The following SLC25A24 variants were observed in gnomAD, a reference collection of about 807,000 sequenced individuals.
The protein encoded by SLC25A24 is mitochondrial adenyl nucleotide antiporter SLC25A24.
SLC25A24 carries 49 observed loss-of-function variants against 60.7 expected under a neutral mutation model. The ratio of observed to expected loss-of-function variants is 0.81; its 90% CI spans 0.64 to 1.02. SLC25A24 has a LOEUF of 1.02. Among genes scored for constraint, SLC25A24 ranks in the 50% least tolerant of loss-of-function variants. The pLI is 0.00. For synonymous variants in SLC25A24, 202 were observed against 200.6 expected, an observed-to-expected ratio of 1.01 and a Z score of -0.06; for missense variants, 564 against 586.3, an observed-to-expected ratio of 0.96 and a Z score of 0.39.
At position 108,194,117 on chromosome 1, in the gene SLC25A24, T is replaced by A. The variant is rs1048085248; in HGVS notation, c.183+5839A>T. Among the ~76,000 whole-genome samples the A allele has an allele frequency of 2.2e-5, 3 of 139,472 alleles. 1 individual carries two copies. The highest frequency in any genetic ancestry group is 8.1e-5 in the Admixed American group (1 of 12,334). 91.5% of individuals were successfully genotyped at this position (139,472 alleles called of 152,430 possible). A position where few individuals can be genotyped will look rare whatever the true frequency, so the allele number is the denominator to read the frequency against. ...AGCCATTATCTGTAAGCTCTTGCTCTACACTACCCATCATGTCAGATACTG... is the reference window on the plus strand; with the variant it reads ...AGCCATTATCTGTAAGCTCTTGCTCAACACTACCCATCATGTCAGATACTG... On this transcript the variant is annotated intron_variant, in intron 1 of 9. Coordinates refer to ENST00000565488, the MANE Select transcript of SLC25A24 (RefSeq NM_013386.5).
At chr1:108,136,923 C>G in intron 9 of SLC25A24, 86 bp from the exon 10 acceptor site, 1 of 1,244,484 alleles carries the variant, frequency 8.0e-7, no homozygotes, top group Non-Finnish European at 1.1e-6. Flanking sequence ...GAATGATATT[C>G]TAAAATACAG....
chr1:108,159,232 G>A (rs978871023), intron 4 of SLC25A24, among the ~76,000 whole-genome samples: 4 of 152,142 alleles, frequency 2.6e-5, no homozygotes, highest in African/African-American at 4.8e-5. Context: ...ATATTGTTAA[G>A]TGCCTTATGC....
At chr1:108,172,149 A>G (rs1647485595) in intron 3 of SLC25A24, among the ~76,000 whole-genome samples, 1 of 152,180 alleles carries the variant, frequency 6.6e-6, no homozygotes, top group Non-Finnish European at 1.5e-5. Context: ...GCAGAAGATA[A>G]TTATGACATA....
rs576705411 is a variant in SLC25A24 at position 108,166,221 on chromosome 1, T to A, written c.399-4928A>T. Among the ~76,000 whole-genome samples the A allele has an allele frequency of 7.0e-3, 1,063 of 152,304 alleles. 13 individuals carry two copies. Among genetic ancestry groups the A allele is most frequent in the African/African-American group, 0.025 (1,024 of 41,552 alleles). On this transcript the variant is annotated intron_variant, in intron 3 of 9. Transcript: ENST00000565488. ...ACCCGACCTTTCTCTCTGGCTGCCC[T>A]TAACATTTTTTCCTTCATTTCAACT... is the stretch of plus-strand genomic sequence containing the variant.
chr1:108,188,115 T>C (rs560533822), intron 1 of SLC25A24, among the ~76,000 whole-genome samples: 1 of 151,738 alleles, frequency 6.6e-6, no homozygotes, highest in Non-Finnish European at 1.5e-5. Flanking sequence ...CCTAAGCGAA[T>C]CAACGCAGAA....
chr1:108,139,193 A>T lies in SLC25A24; in HGVS notation c.1114T>A (p.Trp372Arg). 6.2e-7 allele frequency: 1 copy of T among 1,600,286 alleles called. No individual in the cohort carries two copies. ...LAVYELLKSYWLDNFAKDSVN... is the reference protein window; with the variant it reads ...LAVYELLKSYRLDNFAKDSVN... Reference sequence around the variant, plus strand: ...GAATCTTTTGCAAAATTATCCAGCCAATAGGACTTCAAGAGCTGCCAGAGA... The same window carrying T: ...GAATCTTTTGCAAAATTATCCAGCCTATAGGACTTCAAGAGCTGCCAGAGA... The change falls in exon 9 of 10, where the codon TGG becomes AGG. Residue 372 changes from tryptophan to arginine, a missense_variant. Coordinates refer to ENST00000565488, the MANE Select transcript of SLC25A24 (RefSeq NM_013386.5).
At chr1:108,142,106 C>T (rs1304969560) in intron 8 of SLC25A24, among the ~76,000 whole-genome samples, 1 of 152,024 alleles carries the variant, frequency 6.6e-6, no homozygotes, top group African/African-American at 2.4e-5. Flanking sequence ...TAAAAATAAG[C>T]TTTTTTAAAA....
rs187936964 is a variant in SLC25A24, at chr1:108,152,443, T to C, written c.822+2540A>G. Among the ~76,000 whole-genome samples the C allele has an allele frequency of 1.4e-3, 211 of 152,290 alleles. 1 individual carries two copies. The highest frequency in any genetic ancestry group is 3.4e-3 in the Middle Eastern group (1 of 294). ...TTGCAATGGTGTGATCCCAGCTCAC[T>C]GCAACCTCTGCCTCTCGAGCTCAAG... On this transcript the variant is annotated intron_variant, in intron 6 of 9. Coordinates refer to ENST00000565488, the MANE Select transcript of SLC25A24 (RefSeq NM_013386.5).
At chr1:108,179,617 G>A (rs1403863959) in intron 3 of SLC25A24, among the ~76,000 whole-genome samples, 2 of 152,076 alleles carry the variant, frequency 1.3e-5, no homozygotes, top group African/African-American at 4.8e-5. Context: ...GTAACAATAT[G>A]AATGAAATAA....
intron 9 of SLC25A24, among the ~76,000 whole-genome samples, chr1:108,138,599 T>C (rs1679354574): frequency 6.6e-6 from 1 of 152,088 alleles, no homozygotes; most frequent in Non-Finnish European, 1.5e-5. Flanking sequence ...TACGCAACAC[T>C]AAAAAATGAT....
Position 108,136,466 on chromosome 1 carries a change from T to C in SLC25A24, c.*187A>G, listed in dbSNP as rs1040356141. The stretch of plus-strand genomic sequence containing the variant: ...GCCTTTTCAAAACACATTAAAACTA[T>C]GATTTTGAACATTTCTGTGTACATA... On this transcript the variant is annotated 3_prime_UTR_variant, in exon 10 of 10. Coordinates refer to ENST00000565488, the MANE Select transcript of SLC25A24 (RefSeq NM_013386.5). 1.3e-5 allele frequency: 7 copies of C among 545,942 alleles called. No homozygotes were observed. Among genetic ancestry groups the C allele is most frequent in the Non-Finnish European group, 2.3e-5 (7 of 310,424 alleles). 33.8% of individuals were successfully genotyped at this position (545,942 alleles called of 1,614,324 possible).
At chr1:108,190,331 A>T (rs920478982) in intron 1 of SLC25A24, among the ~76,000 whole-genome samples, 6 of 152,206 alleles carry the variant, frequency 3.9e-5, no homozygotes, top group Non-Finnish European at 2.9e-5. Flanking sequence ...AAGTGAAGAA[A>T]AAAATTAGGG....
chr1:108,181,468 G>A (rs1553256188), intron 3 of SLC25A24, among the ~76,000 whole-genome samples: 1 of 152,124 alleles, frequency 6.6e-6, no homozygotes, highest in Non-Finnish European at 1.5e-5. Context: ...AGACAATAAG[G>A]TTCAAATTTG....
intron 1 of SLC25A24, chr1:108,199,592 G>T: frequency 2.6e-6 from 1 of 385,910 alleles, no homozygotes; most frequent in Non-Finnish European, 4.6e-6. Flanking sequence ...GGGACCCACT[G>T]AAGTCTGACA....
Position 108,182,095 on chromosome 1 carries a change from T to G in SLC25A24, c.311-67A>C, listed in dbSNP as rs891369638. The G allele has an allele frequency of 1.0e-4, 104 of 1,044,488 alleles. 1 individual carries two copies. In the South Asian group the frequency reaches 1.0e-3, roughly 10 times the overall value. The allele number at this position is 1,044,488 out of a possible 1,614,324, so 64.7% of individuals were successfully genotyped here. On this transcript the variant is annotated intron_variant, in intron 2 of 9. Coordinates refer to ENST00000565488, the MANE Select transcript of SLC25A24 (RefSeq NM_013386.5). The stretch of plus-strand genomic sequence containing the variant: ...GGTAAGAACCACAGAAATTATGAAT[T>G]TCAAATCTCTCATTTAAGAGAAAGC...
chr1:108,158,065 A>G (rs924043607), intron 4 of SLC25A24, among the ~76,000 whole-genome samples: 1 of 152,178 alleles, frequency 6.6e-6, no homozygotes, highest in Admixed American at 6.5e-5. Context: ...TTATATCCAC[A>G]TCATATTTAT....
chr1:108,166,645 C>A (rs1250260338), intron 3 of SLC25A24, among the ~76,000 whole-genome samples: 1 of 152,056 alleles, frequency 6.6e-6, no homozygotes, highest in African/African-American at 2.4e-5. Context: ...TCAGCTCCAT[C>A]AGCTCCTTTA....
intron 6 of SLC25A24, among the ~76,000 whole-genome samples, chr1:108,150,608 G>A (rs1679730849): frequency 6.6e-6 from 1 of 152,006 alleles, no homozygotes; most frequent in South Asian, 2.1e-4. Flanking sequence ...AGGCCACCAG[G>A]CAGAATATCT....
intron 3 of SLC25A24, among the ~76,000 whole-genome samples, chr1:108,170,900 C>T (rs1302832805): frequency 6.6e-6 from 1 of 152,018 alleles, no homozygotes; most frequent in Non-Finnish European, 1.5e-5. Flanking sequence ...TTACTCGTCA[C>T]CCACCTCAAA....
Sources: allele counts gnomAD v4.1 joint callset (sites outside exome capture counted in the v4.1 genomes callset), GRCh38; gene constraint gnomAD v4.1.1; transcripts MANE v1.5; gene names NCBI Gene and HGNC (gene_info 2026-07-23, HGNC 2026-07-21).